CDC14A: variants seen among roughly 807,000 people sequenced by gnomAD.
CDC14A encodes the protein dual specificity protein phosphatase CDC14A.
In CDC14A, 53 loss-of-function variants were observed where a neutral mutation model predicts 74.4. The observed-to-expected ratio is 0.71, with a 90% CI of 0.57 to 0.89. CDC14A has a LOEUF of 0.89. Ranked by LOEUF, CDC14A falls within the 40% of genes least tolerant of loss-of-function variation. The pLI is 0.00. For missense variants in CDC14A, 646 were observed against 713.7 expected, an observed-to-expected ratio of 0.91 and a Z score of 1.08; for synonymous variants, 247 against 258.4, an observed-to-expected ratio of 0.96 and a Z score of 0.43.
At chr1:100,445,266 T>C (rs1665407999) in intron 7 of CDC14A, among the ~76,000 whole-genome samples, 1 of 152,082 alleles carries the variant, frequency 6.6e-6, no homozygotes. Flanking sequence ...TGACCAGAGG[T>C]GACTTACTTT....
chr1:100,413,833 T>A (rs987815239), intron 4 of CDC14A, among the ~76,000 whole-genome samples: 8 of 152,346 alleles, frequency 5.3e-5, no homozygotes, highest in Non-Finnish European at 8.8e-5. Flanking sequence ...AAGTTATGCA[T>A]TTTGAAGCAG....
intron 8 of CDC14A, among the ~76,000 whole-genome samples, chr1:100,459,259 C>T (rs1380030855): frequency 3.3e-5 from 5 of 152,140 alleles, no homozygotes; most frequent in African/African-American, 4.8e-5. Flanking sequence ...AGCCTGGCTC[C>T]ATTCCTTTTT....
intron 3 of CDC14A, among the ~76,000 whole-genome samples, chr1:100,380,817 A>G (rs1198015867): frequency 6.6e-6 from 1 of 151,860 alleles, no homozygotes; most frequent in Non-Finnish European, 1.5e-5. Context: ...CTTGCACTTT[A>G]CTCTACCATA....
At chr1:100,351,304 G>A (rs371872629), upstream of CDC14A, among the ~76,000 whole-genome samples, 1 of 152,010 alleles carries the variant, frequency 6.6e-6, no homozygotes, top group African/African-American at 2.4e-5. Flanking sequence ...TTTCTCCCTA[G>A]AGGTCAACAA....
rs1312846353 is a variant in CDC14A at position 100,353,776 on chromosome 1, G to A, written c.64G>A (p.Ala22Thr). 1.9e-6 allele frequency: 3 copies of A among 1,588,666 alleles called. No individual in the cohort carries two copies. Among genetic ancestry groups the A allele is most frequent in the Non-Finnish European group, 2.6e-6 (3 of 1,159,312 alleles). The change falls in exon 2 of 16, where the codon GCT becomes ACT. Residue 22 changes from alanine (A) to threonine (T), a missense_variant. Physicochemically the swap from Ala to Thr is moderately conservative, Grantham distance 58. Coordinates refer to ENST00000336454, the MANE Select transcript of CDC14A (RefSeq NM_003672.4). Reference sequence around the variant, plus strand: ...TTGTCTTTCAGATCGGTTATATTTTGCTACTTTAAGGAATAGACCAAAAAG... The same window carrying A: ...TTGTCTTTCAGATCGGTTATATTTTACTACTTTAAGGAATAGACCAAAAAG... ...CEFMKDRLYF[A>T]TLRNRPKSTV...
At chr1:100,358,685 A>C (rs1652257025) in intron 2 of CDC14A, among the ~76,000 whole-genome samples, 1 of 152,282 alleles carries the variant, frequency 6.6e-6, no homozygotes, top group African/African-American at 2.4e-5. Context: ...AATTTAAAAC[A>C]TTCAATTTTC....
At chr1:100,355,314 G>C (rs760842841) in intron 2 of CDC14A, among the ~76,000 whole-genome samples, 2 of 152,208 alleles carry the variant, frequency 1.3e-5, no homozygotes. Context: ...CAATTCTACA[G>C]TACAGTGGTT....
chr1:100,476,285 T>C (rs1317199698), intron 10 of CDC14A, among the ~76,000 whole-genome samples: 1 of 152,258 alleles, frequency 6.6e-6, no homozygotes, highest in South Asian at 2.1e-4. Flanking sequence ...AAACCCCGTC[T>C]CTACTAAAAA....
intron 5 of CDC14A, among the ~76,000 whole-genome samples, chr1:100,432,702 G>A (rs1330465235): frequency 6.6e-6 from 1 of 152,064 alleles, no homozygotes; most frequent in Non-Finnish European, 1.5e-5. Flanking sequence ...TATTGGATGA[G>A]CAAAATACAC....
rs201352519 is a variant in CDC14A at position 100,455,387 on chromosome 1, C to A, written c.520-18C>A. 8 of 1,547,248 alleles carry A rather than the reference C, an allele frequency of 5.2e-6. No individual in the cohort carries two copies. In the Admixed American group the frequency reaches 1.1e-4, roughly 21 times the overall value. ...TTATAAAATATTTTTCTTCTCTTTT[C>A]TTACAAAATTCTGCCAGCGAGTTGA... On this transcript the variant is annotated intron_variant, in intron 7 of 15. Transcript: ENST00000336454.
intron 2 of CDC14A, among the ~76,000 whole-genome samples, chr1:100,373,342 T>C (rs767781391): frequency 1.2e-4 from 18 of 152,244 alleles, no homozygotes; most frequent in Non-Finnish European, 2.1e-4. Context: ...TGCTATCTTA[T>C]TTGGGTACAG....
intron 7 of CDC14A, among the ~76,000 whole-genome samples, chr1:100,453,244 A>G (rs931896679): frequency 6.6e-6 from 1 of 152,246 alleles, no homozygotes; most frequent in Non-Finnish European, 1.5e-5. Flanking sequence ...ATGATTAATT[A>G]TAAAAGGTTG....
chr1:100,404,200 A>G (rs1659636046), intron 4 of CDC14A, among the ~76,000 whole-genome samples: 1 of 152,014 alleles, frequency 6.6e-6, no homozygotes. Flanking sequence ...CAAAAAAAAA[A>G]AAAGAGCTAA....
chr1:100,443,013 T>G lies in CDC14A; in HGVS notation c.519+17T>G, dbSNP rs570655844. ...CATTATGAGGTTTGTACATTTAATT[T>G]TTTTTACAAAACATAATTTCATGTT... On this transcript the variant is annotated intron_variant, in intron 7 of 15. Transcript: ENST00000336454. 1 of 1,511,438 alleles carries G rather than the reference T, an allele frequency of 6.6e-7. No homozygotes were observed. Among genetic ancestry groups the G allele is most frequent in the South Asian group, 1.1e-5 (1 of 87,546 alleles). 93.6% of individuals were successfully genotyped at this position (1,511,438 alleles called of 1,614,324 possible).
At chr1:100,393,259 G>T (rs1657959051) in intron 4 of CDC14A, 1 of 1,433,518 alleles carries the variant, frequency 7.0e-7, no homozygotes, top group African/African-American at 1.4e-5. Context: ...AGTTCTTTCT[G>T]TGCATGTTCA....
chr1:100,418,511 G>A (rs970164409), intron 4 of CDC14A, among the ~76,000 whole-genome samples: 39 of 152,146 alleles, frequency 2.6e-4, no homozygotes, highest in African/African-American at 9.2e-4. Flanking sequence ...AGGCTGGGAC[G>A]ATATCTTGGT....
intron 3 of CDC14A, among the ~76,000 whole-genome samples, chr1:100,388,816 G>A (rs901011682): frequency 1.3e-5 from 2 of 152,086 alleles, no homozygotes; most frequent in East Asian, 3.9e-4. Context: ...CTCTCAAAGT[G>A]TTGGAATTAC....
At chr1:100,370,169 G>T (rs1654261830) in intron 2 of CDC14A, among the ~76,000 whole-genome samples, 1 of 152,050 alleles carries the variant, frequency 6.6e-6, no homozygotes, top group African/African-American at 2.4e-5. Flanking sequence ...ATTTTTAGGA[G>T]ATGGGGTTTT....
intron 11 of CDC14A, among the ~76,000 whole-genome samples, chr1:100,493,251 C>G (rs1454054866): frequency 6.6e-6 from 1 of 152,204 alleles, no homozygotes; most frequent in Admixed American, 6.5e-5. Flanking sequence ...GGCAAGGATT[C>G]TGTCAGGTCC....
Sources: allele counts gnomAD v4.1 joint callset (sites outside exome capture counted in the v4.1 genomes callset), GRCh38; gene constraint gnomAD v4.1.1; transcripts MANE v1.5; gene names NCBI Gene and HGNC (gene_info 2026-07-23, HGNC 2026-07-21).